PHLPP1: variants seen among roughly 807,000 people sequenced by gnomAD.
The protein encoded by PHLPP1 is PH domain leucine-rich repeat-containing protein phosphatase 1.
PHLPP1 carries 42 observed loss-of-function variants against 117.2 expected under a neutral mutation model. The observed-to-expected ratio is 0.36, with a 90% CI of 0.28 to 0.46. The LOEUF (loss-of-function observed/expected upper bound fraction) is 0.46, where lower values mean the gene tolerates loss of function less well. PHLPP1 is among the 20% of genes least tolerant of loss of function. The probability of loss-of-function intolerance (pLI) is 1.00; values close to 1 mark genes in which losing one functional copy is unlikely to be tolerated. For synonymous variants in PHLPP1, 1,042 were observed against 970.7 expected (o/e 1.07, Z -1.37); for missense variants, 2,084 against 2,241.9 (o/e 0.93, Z 1.42).
chr18:62,716,137 C>A lies in PHLPP1; in HGVS notation c.454C>A (p.Pro152Thr). 6.6e-7 allele frequency: 1 copy of A among 1,518,244 alleles called. No homozygotes were observed. The allele number at this position is 1,518,244 out of a possible 1,614,324, so 94.0% of individuals were successfully genotyped here. ...SSSAAAASHS[P>T]GAAGLPASCS... is the part of the protein sequence containing the mutation. Reference sequence around the variant, plus strand: ...CTCGGCCGCTGCTGCCTCGCACTCCCCCGGCGCTGCCGGCCTCCCCGCCTC... The same window carrying A: ...CTCGGCCGCTGCTGCCTCGCACTCCACCGGCGCTGCCGGCCTCCCCGCCTC... The change falls in exon 1 of 17, where the codon CCC (proline) becomes ACC (threonine). Residue 152 changes from proline to threonine, a missense_variant. Pro to Thr is a conservative substitution (Grantham distance 38, BLOSUM62 -1). Transcript: ENST00000262719. The surrounding 1 kb of genome is among the most constrained non-coding windows in gnomAD (Gnocchi z 5.7).
chr18:62,927,748 T>C (rs1014018229), intron 10 of PHLPP1, among the ~76,000 whole-genome samples: 6 of 152,062 alleles, frequency 3.9e-5, no homozygotes, highest in African/African-American at 1.4e-4. Context: ...AGGCATAACA[T>C]TTGTATATGT....
At chr18:62,842,787 G>A (rs2144344588) in intron 3 of PHLPP1, 1 of 152,354 alleles carries the variant, frequency 6.6e-6, no homozygotes. Context: ...GTAAAGGACT[G>A]ATTAAAAGAG....
chr18:62,809,552 A>G (rs906124704), intron 1 of PHLPP1, among the ~76,000 whole-genome samples: 4 of 152,166 alleles, frequency 2.6e-5, no homozygotes, highest in African/African-American at 9.7e-5. Flanking sequence ...TACGAAAAAA[A>G]TTAGCTGGGC....
chr18:62,780,012 A>C (rs1913073594), intron 1 of PHLPP1, among the ~76,000 whole-genome samples: 1 of 152,184 alleles, frequency 6.6e-6, no homozygotes, highest in African/African-American at 2.4e-5. Flanking sequence ...ATAGAGTTGA[A>C]TGAAATGGTC....
intron 11 of PHLPP1, among the ~76,000 whole-genome samples, chr18:62,944,012 C>T (rs1910205395): frequency 6.6e-6 from 1 of 151,688 alleles, no homozygotes; most frequent in Non-Finnish European, 1.5e-5. Flanking sequence ...TATTTATTTT[C>T]AAGATAAACA....
intron 13 of PHLPP1, among the ~76,000 whole-genome samples, chr18:62,961,099 C>A (rs994759783): frequency 7.2e-5 from 11 of 152,114 alleles, no homozygotes; most frequent in African/African-American, 2.7e-4. Context: ...GAGTTTGCAA[C>A]CAGCCTGACC....
At chr18:62,950,505 G>A (rs1910420490) in intron 12 of PHLPP1, among the ~76,000 whole-genome samples, 1 of 152,184 alleles carries the variant, frequency 6.6e-6, no homozygotes, top group African/African-American at 2.4e-5. Flanking sequence ...AAATGAAATA[G>A]AGAATATCAG....
At chr18:62,950,982 T>C (rs540924434) in intron 12 of PHLPP1, among the ~76,000 whole-genome samples, 1 of 138,780 alleles carries the variant, frequency 7.2e-6, no homozygotes, top group East Asian at 2.0e-4. Context: ...CCCAGACTAG[T>C]TTTTTTTTTT....
intron 1 of PHLPP1, among the ~76,000 whole-genome samples, chr18:62,816,267 A>G (rs576303821): frequency 1.3e-5 from 2 of 152,334 alleles, no homozygotes; most frequent in South Asian, 4.1e-4. Context: ...TCAGCAATGT[A>G]TAACAAGTTT....
intron 10 of PHLPP1, among the ~76,000 whole-genome samples, chr18:62,931,205 A>AACAACAAC (rs56191858): frequency 1.6e-3 from 237 of 148,600 alleles, no homozygotes; most frequent in Non-Finnish European, 2.6e-3. Context: ...TAAAAAAAAA[A>AACAACAAC]AACAACAACA....
At chr18:62,785,522 G>C (rs1254767455) in intron 1 of PHLPP1, among the ~76,000 whole-genome samples, 1 of 152,158 alleles carries the variant, frequency 6.6e-6, no homozygotes, top group African/African-American at 2.4e-5. Context: ...TTTTAGTACT[G>C]TTTATAGATT....
rs187918287 is a variant in PHLPP1 at position 62,946,391 on chromosome 18, G to A, written c.3324+1120G>A. Among the ~76,000 whole-genome samples, 696 of 152,168 alleles carry A rather than the reference G, an allele frequency of 4.6e-3. 1 individual carries two copies. Among genetic ancestry groups the A allele is most frequent in the Non-Finnish European group, 7.0e-3 (473 of 67,980 alleles). On this transcript the variant is annotated intron_variant, in intron 12 of 16. Coordinates refer to ENST00000262719, the MANE Select transcript of PHLPP1 (RefSeq NM_194449.4). ...AGCGATTCGCTCGCCGCAGCCTCCC[G>A]ACTAGCTGGGATTACAGGCGCCTGC... is the stretch of plus-strand genomic sequence containing the variant.
chr18:62,895,824 C>T lies in PHLPP1; in HGVS notation c.2257C>T (p.Pro753Ser). 6.2e-7 allele frequency: 1 copy of T among 1,613,250 alleles called. No homozygotes were observed. The highest frequency in any genetic ancestry group is 8.5e-7 in the Non-Finnish European group (1 of 1,179,240). Residue 753 changes from proline to serine, a missense_variant, in exon 6 of 17, where the codon CCT becomes TCT. By Grantham distance (74) the Pro-to-Ser change is moderately conservative. This residue lies in a region of PHLPP1 where 1,365 missense variants were observed against 1,605.9 expected (regional missense o/e 0.85). Coordinates refer to ENST00000262719, the MANE Select transcript of PHLPP1 (RefSeq NM_194449.4). The part of the protein sequence containing the change: ...LLDGNFLQSL[P>S]AELENMKQLS... ...GGATGGAAACTTTCTCCAATCCCTT[C>T]CTGCTGAGTTGGAGAACATGAAGCA...
chr18:62,936,976 G>T (rs1281551620), intron 10 of PHLPP1, among the ~76,000 whole-genome samples: 1 of 152,208 alleles, frequency 6.6e-6, no homozygotes. Context: ...GAGTTTTGCT[G>T]GGGTTAGACA....
intron 10 of PHLPP1, among the ~76,000 whole-genome samples, chr18:62,937,569 G>C (rs547404278): frequency 6.6e-6 from 1 of 152,326 alleles, no homozygotes; most frequent in Admixed American, 6.5e-5. Context: ...CTGTGGACTT[G>C]AGACTGATGA....
intron 1 of PHLPP1, among the ~76,000 whole-genome samples, chr18:62,810,522 A>T (rs1216858770): frequency 6.6e-6 from 1 of 152,178 alleles, no homozygotes; most frequent in Admixed American, 6.5e-5. Context: ...ATAAAGTTTA[A>T]TTTATAAATT....
chr18:62,848,190 A>G (rs1022573069), intron 3 of PHLPP1, among the ~76,000 whole-genome samples: 2 of 152,196 alleles, frequency 1.3e-5, no homozygotes, highest in Non-Finnish European at 2.9e-5. Flanking sequence ...TTATGTCCAA[A>G]GTGAATTAGT....
intron 14 of PHLPP1, among the ~76,000 whole-genome samples, chr18:62,968,397 A>G (rs905248627): frequency 3.3e-5 from 5 of 151,870 alleles, no homozygotes; most frequent in South Asian, 2.1e-4. Flanking sequence ...TTAACCTACA[A>G]TTTCTTTAAA....
chr18:62,869,345 T>C (rs2144370727), intron 4 of PHLPP1, among the ~76,000 whole-genome samples: 1 of 152,260 alleles, frequency 6.6e-6, no homozygotes, highest in African/African-American at 2.4e-5. Context: ...TGTAACCTTT[T>C]GAAAATTTGT....
Sources: gnomAD v4.1 joint callset for allele counts (sites outside exome capture counted in the v4.1 genomes callset) on GRCh38, gnomAD v4.1.1 for gene constraint, gnomAD v4.1.1 regional missense constraint, Gnocchi (gnomAD v3.1) non-coding constraint, MANE v1.5 for transcripts, NCBI Gene and HGNC (gene_info 2026-07-23, HGNC 2026-07-21) for gene names.